The following ULK4 variants were observed in gnomAD, a reference collection of about 807,000 sequenced individuals.
ULK4 encodes unc-51 like kinase 4.
A neutral mutation model predicts 160.6 loss-of-function variants in ULK4; 133 were observed. The observed-to-expected ratio is 0.83, with a 90% CI of 0.72 to 0.96. The LOEUF (loss-of-function observed/expected upper bound fraction) is 0.96, where lower values mean the gene tolerates loss of function less well. Ranked by LOEUF, ULK4 falls within the 40% of genes least tolerant of loss-of-function variation. The pLI is 0.00. For missense variants in ULK4, 1,580 were observed against 1,499.5 expected (o/e 1.05, Z -0.89); for synonymous variants, 534 against 539.8 (o/e 0.99, Z 0.15).
At chr3:41,538,780 T>C (rs1227857647) in intron 32 of ULK4, among the ~76,000 whole-genome samples, 1 of 152,146 alleles carries the variant, frequency 6.6e-6, no homozygotes, top group African/African-American at 2.4e-5. Flanking sequence ...TATGATTTAA[T>C]ACTGCATTTT....
At chr3:41,572,720 C>T (rs2088024055) in intron 31 of ULK4, among the ~76,000 whole-genome samples, 1 of 149,126 alleles carries the variant, frequency 6.7e-6, no homozygotes, top group Non-Finnish European at 1.5e-5. Flanking sequence ...GGGCCGAGAT[C>T]GCGCCACTGC....
intron 17 of ULK4, among the ~76,000 whole-genome samples, chr3:41,865,270 TTAAA>T (rs1436942201): frequency 0.016 from 1,073 of 65,564 alleles, 136 homozygotes; most frequent in African/African-American, 0.064. Flanking sequence ...GACTCTGTCT[TTAAA>T]AAAAAAAAAA....
chr3:41,872,534 G>A (rs1697135081), intron 17 of ULK4, among the ~76,000 whole-genome samples: 1 of 151,064 alleles, frequency 6.6e-6, no homozygotes, highest in Non-Finnish European at 1.5e-5. Context: ...TAGCACATCT[G>A]CAGAAGGATA....
chr3:41,867,222 T>G (rs1696923671), intron 17 of ULK4, among the ~76,000 whole-genome samples: 1 of 152,184 alleles, frequency 6.6e-6, no homozygotes, highest in Non-Finnish European at 1.5e-5. Context: ...AACTGGAACT[T>G]AAAACATTCT....
At chr3:41,609,233 T>C (rs1000544408) in intron 31 of ULK4, among the ~76,000 whole-genome samples, 16 of 152,230 alleles carry the variant, frequency 1.1e-4, no homozygotes, top group African/African-American at 3.9e-4. Context: ...TTATGCTTTA[T>C]TTAACCCACA....
At chr3:41,277,320 TC>T (rs34239012) in intron 35 of ULK4, among the ~76,000 whole-genome samples, 2 of 152,032 alleles carry the variant, frequency 1.3e-5, no homozygotes, top group African/African-American at 4.8e-5. Flanking sequence ...CAGACCGATA[TC>T]CCTGATGAAC....
chr3:41,686,251 G>T (rs2036097030), intron 27 of ULK4, among the ~76,000 whole-genome samples: 1 of 151,824 alleles, frequency 6.6e-6, no homozygotes, highest in Non-Finnish European at 1.5e-5. Context: ...AGCTACTAAG[G>T]GCTAGGAAAA....
chr3:41,369,143 T>C (rs1326674152), intron 35 of ULK4, among the ~76,000 whole-genome samples: 1 of 152,230 alleles, frequency 6.6e-6, no homozygotes, highest in African/African-American at 2.4e-5. Context: ...CTCTAATTTA[T>C]GTTAACAACT....
At chr3:41,881,797 G>A (rs2125701586) in intron 17 of ULK4, among the ~76,000 whole-genome samples, 1 of 152,214 alleles carries the variant, frequency 6.6e-6, no homozygotes, top group Admixed American at 6.5e-5. Context: ...AAAGATACAA[G>A]AACCTCGGGA....
intron 12 of ULK4, among the ~76,000 whole-genome samples, chr3:41,906,357 T>C (rs557770190): frequency 6.6e-6 from 1 of 152,240 alleles, no homozygotes; most frequent in African/African-American, 2.4e-5. Flanking sequence ...GGACCCTGTC[T>C]TTACAAACAA....
At chr3:41,693,753 A>T (rs376812228) in intron 27 of ULK4, among the ~76,000 whole-genome samples, 163 of 152,354 alleles carry the variant, frequency 1.1e-3, no homozygotes, top group African/African-American at 3.8e-3. Flanking sequence ...TGCTCTGAAT[A>T]TATCTTTTTC....
intron 34 of ULK4, among the ~76,000 whole-genome samples, chr3:41,454,619 T>G (rs1238810701): frequency 3.3e-5 from 5 of 151,810 alleles, no homozygotes; most frequent in Admixed American, 1.3e-4. Context: ...TTAAAATTAA[T>G]TAGGAACAAT....
At chr3:41,391,606 T>C (rs535384419) in intron 35 of ULK4, among the ~76,000 whole-genome samples, 1 of 152,048 alleles carries the variant, frequency 6.6e-6, no homozygotes, top group East Asian at 1.9e-4. Context: ...AAAGAATGGC[T>C]GCAGAATTCC....
intron 35 of ULK4, among the ~76,000 whole-genome samples, chr3:41,296,243 C>G (rs1355919747): frequency 6.6e-6 from 1 of 152,094 alleles, no homozygotes; most frequent in Non-Finnish European, 1.5e-5. Flanking sequence ...GTACTTTTCT[C>G]TTCATTTTTC....
intron 7 of ULK4, 120 bp from the exon 8 acceptor site, chr3:41,916,172 G>A: frequency 1.6e-6 from 1 of 619,168 alleles, no homozygotes; most frequent in Non-Finnish European, 2.7e-6. Context: ...TTATTATTAA[G>A]AGAACACTAA....
chr3:41,926,348 C>T (rs900197512), intron 5 of ULK4, among the ~76,000 whole-genome samples: 10 of 152,150 alleles, frequency 6.6e-5, no homozygotes, highest in African/African-American at 2.2e-4. Flanking sequence ...CGAAGGTCAC[C>T]AACATCAAAC....
chr3:41,502,042 G>A (rs2085228045), intron 32 of ULK4, among the ~76,000 whole-genome samples: 1 of 152,092 alleles, frequency 6.6e-6, no homozygotes. Context: ...CTTTTTAAAG[G>A]CTGAATAGTA....
chr3:41,296,489 A>G (rs1335401476), intron 35 of ULK4, among the ~76,000 whole-genome samples: 1 of 152,168 alleles, frequency 6.6e-6, no homozygotes, highest in Non-Finnish European at 1.5e-5. Context: ...TGGGGTCAGG[A>G]AGATCTGTCC....
chr3:41,459,112 C>T (rs1472464223), intron 33 of ULK4, among the ~76,000 whole-genome samples: 1 of 152,098 alleles, frequency 6.6e-6, no homozygotes, highest in Admixed American at 6.5e-5. Context: ...AGTGCAGTGG[C>T]GTGATCTCGG....
Sources: gnomAD v4.1 joint callset for allele counts (sites outside exome capture counted in the v4.1 genomes callset) on GRCh38, gnomAD v4.1.1 for gene constraint, MANE v1.5 for transcripts, NCBI Gene and HGNC (gene_info 2026-07-23, HGNC 2026-07-21) for gene names.